The following C10orf143 variants were observed in gnomAD, a reference collection of about 807,000 sequenced individuals.
C10orf143 encodes the protein uncharacterized protein C10orf143.
At chr10:130,076,276 T>TAG (rs150403613) in intron 3 of C10orf143, among the ~76,000 whole-genome samples, 12 of 151,488 alleles carry the variant, frequency 7.9e-5, no homozygotes, top group Admixed American at 6.6e-4. Flanking sequence ...GCGGGAGGGC[T>TAG]AGAGAGAGAG....
Position 130,036,659 on chromosome 10 carries a change from C to G in C10orf143, c.298-689G>C, listed in dbSNP as rs1195872292. 3.3e-5 allele frequency among the ~76,000 whole-genome samples: 5 copies of G among 152,326 alleles called. No homozygotes were observed. The East Asian group carries it at 7.7e-4, about 24-fold the overall frequency. ...AGTATTTGACAAAGAGGGAAGCCCA[C>G]ATGGCTTGGAGATTGTTCTGACTCA... On this transcript the variant is annotated intron_variant and NMD_transcript_variant, in intron 3 of 5. Coordinates refer to the C10orf143 transcript ENST00000643056.
At chr10:130,053,713 C>T (rs923511616) in intron 3 of C10orf143, among the ~76,000 whole-genome samples, 1 of 152,230 alleles carries the variant, frequency 6.6e-6, no homozygotes, top group East Asian at 1.9e-4. Flanking sequence ...ATCCCGAGTA[C>T]ATCTGTCAAT....
downstream of C10orf143, among the ~76,000 whole-genome samples, chr10:130,061,671 G>C (rs1465159681): frequency 1.3e-5 from 2 of 152,144 alleles, no homozygotes; most frequent in African/African-American, 2.4e-5. Flanking sequence ...CTCCTCTTTT[G>C]ACAAGAATAC....
At chr10:130,046,553 T>C (rs1590003398) in intron 3 of C10orf143, among the ~76,000 whole-genome samples, 1 of 152,246 alleles carries the variant, frequency 6.6e-6, no homozygotes, top group South Asian at 2.1e-4. Flanking sequence ...CGAGGAGTTA[T>C]GCTACCATTT....
chr10:130,037,493 CCT>C (rs1308800607), intron 3 of C10orf143, among the ~76,000 whole-genome samples: 1 of 152,178 alleles, frequency 6.6e-6, no homozygotes, highest in Admixed American at 6.5e-5. Context: ...GACTCTGTCC[CCT>C]GTCCTTAGCA....
At chr10:130,096,634 G>C (rs945428364) in intron 1 of C10orf143, among the ~76,000 whole-genome samples, 2 of 145,370 alleles carry the variant, frequency 1.4e-5, no homozygotes, top group Non-Finnish European at 3.0e-5. Context: ...ATAAGTGGAA[G>C]TTGAACAATG....
intron 3 of C10orf143, among the ~76,000 whole-genome samples, chr10:130,041,283 A>C (rs1860603989): frequency 6.6e-6 from 1 of 152,052 alleles, no homozygotes; most frequent in Non-Finnish European, 1.5e-5. Context: ...CACCAGCTTG[A>C]CCTCTACTGA....
intron 1 of C10orf143, among the ~76,000 whole-genome samples, chr10:130,081,370 T>G (rs748211365): frequency 3.9e-5 from 6 of 152,048 alleles, no homozygotes; most frequent in Non-Finnish European, 8.8e-5. Context: ...AGAAACATAC[T>G]AATAACAGGA....
In C10orf143 at chr10:130,087,743, C is replaced by T. The variant is rs202197157; in HGVS notation, c.70-7842G>A. Among the ~76,000 whole-genome samples the T allele has an allele frequency of 2.0e-5, 3 of 152,138 alleles. No individual in the cohort carries two copies. In the East Asian group the frequency reaches 5.8e-4, roughly 29 times the overall value. The stretch of plus-strand genomic sequence containing the variant: ...GGTTTCTGTGCTGAGAAGAGCCAGC[C>T]CTTATATGAACCAGACAGGGGACAT... On this transcript the variant is annotated intron_variant, in intron 1 of 3. Transcript: ENST00000637128.
At chr10:130,086,568 C>T (rs1234631691) in intron 1 of C10orf143, among the ~76,000 whole-genome samples, 1 of 152,158 alleles carries the variant, frequency 6.6e-6, no homozygotes, top group East Asian at 1.9e-4. Context: ...TCTGCTCAAT[C>T]CTTACAGTGC....
intron 3 of C10orf143, among the ~76,000 whole-genome samples, chr10:130,045,119 G>T (rs1860652271): frequency 1.3e-5 from 2 of 152,218 alleles, no homozygotes; most frequent in African/African-American, 4.8e-5. Flanking sequence ...CCACCCCATG[G>T]AGAAAGTTTA....
intron 3 of C10orf143, among the ~76,000 whole-genome samples, chr10:130,048,768 C>T (rs555334964): frequency 6.6e-5 from 10 of 152,220 alleles, no homozygotes; most frequent in African/African-American, 2.4e-4. Flanking sequence ...AGTGGTATAA[C>T]CATGGCTCAC....
intron 3 of C10orf143, among the ~76,000 whole-genome samples, chr10:130,042,526 GC>G (rs1406317559): frequency 6.6e-6 from 1 of 152,228 alleles, no homozygotes; most frequent in Non-Finnish European, 1.5e-5. Flanking sequence ...CCCTTTCTGT[GC>G]TGCCCAAGGC....
chr10:130,101,880 AAAAAAC>A (rs1861562629), intron 1 of C10orf143, among the ~76,000 whole-genome samples: 2 of 148,018 alleles, frequency 1.4e-5, no homozygotes, highest in African/African-American at 2.6e-5. Context: ...AAAAAAAAAA[AAAAAAC>A]TTTTTCAGAA....
downstream of C10orf143, among the ~76,000 whole-genome samples, chr10:130,063,208 G>A (rs148991707): frequency 2.0e-5 from 3 of 152,284 alleles, no homozygotes; most frequent in African/African-American, 7.2e-5. Context: ...ACCTGACACC[G>A]GGTGGACACC....
intron 1 of C10orf143, among the ~76,000 whole-genome samples, chr10:130,087,346 C>T (rs781669478): frequency 1.3e-5 from 2 of 152,126 alleles, no homozygotes; most frequent in Non-Finnish European, 1.5e-5. Flanking sequence ...ACTATATGAA[C>T]GAAATGAAAA....
intron 3 of C10orf143, among the ~76,000 whole-genome samples, chr10:130,042,255 C>T (rs1026752620): frequency 6.6e-6 from 1 of 152,330 alleles, no homozygotes; most frequent in Non-Finnish European, 1.5e-5. Flanking sequence ...GTACATGGAA[C>T]GATCATTCTG....
chr10:130,090,144 C>G (rs1160200990), intron 1 of C10orf143, among the ~76,000 whole-genome samples: 4 of 152,176 alleles, frequency 2.6e-5, no homozygotes, highest in Non-Finnish European at 5.9e-5. Flanking sequence ...ATAGGAACAG[C>G]TCCAGTCTGC....
chr10:130,054,800 T>C (rs542297800), intron 3 of C10orf143, among the ~76,000 whole-genome samples: 1 of 152,232 alleles, frequency 6.6e-6, no homozygotes, highest in South Asian at 2.1e-4. Flanking sequence ...CATCACACTT[T>C]CTAATTTTGA....
Sources: gnomAD v4.1 joint callset for allele counts (sites outside exome capture counted in the v4.1 genomes callset) on GRCh38, gnomAD v4.1.1 for gene constraint, MANE v1.5 for transcripts, NCBI Gene and HGNC (gene_info 2026-07-23, HGNC 2026-07-21) for gene names.